The following SAMD4A variants were observed in gnomAD, a reference collection of about 807,000 sequenced individuals.
The protein encoded by SAMD4A is sterile alpha motif domain containing 4A, also known as protein Smaug homolog 1.
In SAMD4A, 33 loss-of-function variants were observed where a neutral mutation model predicts 81.3. That is an observed-to-expected ratio of 0.41 (90% CI 0.31 to 0.54). The LOEUF is 0.54. Ranked by LOEUF, SAMD4A falls within the 20% of genes least tolerant of loss-of-function variation. The pLI is 0.37. For missense variants in SAMD4A, 854 were observed against 951.1 expected, an observed-to-expected ratio of 0.90 and a Z score of 1.34; for synonymous variants, 389 against 382.1, an observed-to-expected ratio of 1.02 and a Z score of -0.21.
chr14:54,595,044 T>C (rs893125754), intron 2 of SAMD4A, among the ~76,000 whole-genome samples: 3 of 152,236 alleles, frequency 2.0e-5, no homozygotes, highest in Non-Finnish European at 4.4e-5. Context: ...CTCTGTGCCA[T>C]GAATATTAAG....
chr14:54,668,484 G>T (rs973366640), intron 2 of SAMD4A, among the ~76,000 whole-genome samples: 1 of 152,306 alleles, frequency 6.6e-6, no homozygotes. Flanking sequence ...CCACAGAGGG[G>T]TTAATGACAG....
At chr14:54,657,689 C>T (rs567584979) in intron 2 of SAMD4A, among the ~76,000 whole-genome samples, 1 of 152,292 alleles carries the variant, frequency 6.6e-6, no homozygotes, top group East Asian at 1.9e-4. Flanking sequence ...CCAGCAGTCT[C>T]CTTTCTAGGG....
chr14:54,646,140 G>A (rs765478922), intron 2 of SAMD4A, among the ~76,000 whole-genome samples: 9 of 152,190 alleles, frequency 5.9e-5, no homozygotes, highest in African/African-American at 2.2e-4. Flanking sequence ...ACATGGCCCA[G>A]GTTTGTCACA....
intron 5 of SAMD4A, among the ~76,000 whole-genome samples, chr14:54,750,087 G>A (rs2038064653): frequency 6.6e-6 from 1 of 152,122 alleles, no homozygotes; most frequent in African/African-American, 2.4e-5. Flanking sequence ...AGGGGTTGAT[G>A]AGAGCTTTTC....
At chr14:54,761,759 T>G (rs1768487788) in intron 7 of SAMD4A, among the ~76,000 whole-genome samples, 1 of 152,232 alleles carries the variant, frequency 6.6e-6, no homozygotes, top group Non-Finnish European at 1.5e-5. Flanking sequence ...TCATGCCTCC[T>G]TCTCCAGGTC....
intron 2 of SAMD4A, among the ~76,000 whole-genome samples, chr14:54,669,532 C>T (rs191612764): frequency 2.1e-3 from 307 of 145,400 alleles, no homozygotes; most frequent in African/African-American, 7.3e-3. Context: ...GATCATCGCT[C>T]ACTGCAGCCC....
chr14:54,591,316 G>A (rs2033768859), intron 2 of SAMD4A, among the ~76,000 whole-genome samples: 1 of 152,034 alleles, frequency 6.6e-6, no homozygotes, highest in Admixed American at 6.6e-5. Flanking sequence ...AGTATTAGGG[G>A]GTGGTTTGCC....
chr14:54,622,346 G>A (rs1341927171), intron 2 of SAMD4A, among the ~76,000 whole-genome samples: 2 of 152,212 alleles, frequency 1.3e-5, no homozygotes, highest in Non-Finnish European at 2.9e-5. Flanking sequence ...TGGAGGGACT[G>A]TTCAGGGCCT....
At chr14:54,613,027 G>A (rs924162667) in intron 2 of SAMD4A, among the ~76,000 whole-genome samples, 3 of 152,168 alleles carry the variant, frequency 2.0e-5, no homozygotes, top group African/African-American at 7.2e-5. Flanking sequence ...TGAGGCAGGA[G>A]AATGGCTTGA....
At chr14:54,616,323 T>C (rs972737526) in intron 2 of SAMD4A, among the ~76,000 whole-genome samples, 2 of 152,248 alleles carry the variant, frequency 1.3e-5, no homozygotes, top group African/African-American at 4.8e-5. Flanking sequence ...TTTTTTTTCT[T>C]TTTGATTCTT....
intron 2 of SAMD4A, among the ~76,000 whole-genome samples, chr14:54,619,430 A>G (rs1197464375): frequency 1.3e-5 from 2 of 152,072 alleles, no homozygotes; most frequent in East Asian, 1.9e-4. Context: ...TTTTTTCCCT[A>G]TGTAACATAT....
At position 54,770,137 on chromosome 14, in the gene SAMD4A, T is replaced by A; in HGVS notation, c.1630T>A (p.Ser544Thr). Reference protein sequence around the residue: ...FTETQKKRLLSWKQQVQKLFR... With the variant: ...FTETQKKRLLTWKQQVQKLFR... ...AGAGACACAGAAAAAAAGATTGTTG[T>A]CATGGAAACAGCAGGTGCAGAAGCT... Residue 544 changes from serine (S) to threonine (T), a missense_variant, in exon 9 of 13, where the codon TCA becomes ACA. By Grantham distance (58) the Ser-to-Thr change is moderately conservative (BLOSUM62 1). Transcript: ENST00000554335. 3 of 1,614,156 alleles carry A rather than the reference T, an allele frequency of 1.9e-6. No homozygotes were observed. The highest frequency in any genetic ancestry group is 2.5e-6 in the Non-Finnish European group (3 of 1,179,980).
intron 2 of SAMD4A, among the ~76,000 whole-genome samples, chr14:54,614,538 C>T (rs1241585344): frequency 6.6e-6 from 1 of 152,122 alleles, no homozygotes; most frequent in Non-Finnish European, 1.5e-5. Flanking sequence ...CTTTTAAGAG[C>T]ACTTATCTGG....
intron 7 of SAMD4A, among the ~76,000 whole-genome samples, chr14:54,762,582 T>C (rs1049142029): frequency 1.3e-5 from 2 of 152,034 alleles, no homozygotes; most frequent in Non-Finnish European, 2.9e-5. Context: ...CAAGCCCAAG[T>C]GGAGCAGCTA....
At chr14:54,574,962 G>C (rs566704552) in intron 2 of SAMD4A, among the ~76,000 whole-genome samples, 30 of 152,302 alleles carry the variant, frequency 2.0e-4, no homozygotes, top group Admixed American at 7.2e-4. Context: ...ACCATACTTT[G>C]AGGGTAGACT....
At chr14:54,782,967 C>T (rs1028676108) in intron 11 of SAMD4A, among the ~76,000 whole-genome samples, 1 of 152,146 alleles carries the variant, frequency 6.6e-6, no homozygotes, top group South Asian at 2.1e-4. Flanking sequence ...GCTTTGCCCA[C>T]TTGACAGGTA....
At chr14:54,568,154 C>G in intron 2 of SAMD4A, 42 bp downstream of exon 2, 4 of 1,391,920 alleles carry the variant, frequency 2.9e-6, no homozygotes, top group Non-Finnish European at 3.7e-6. Flanking sequence ...GCCTGCCCAA[C>G]CCCCGCTCCT....
intron 4 of SAMD4A, among the ~76,000 whole-genome samples, chr14:54,747,476 T>C (rs1046013017): frequency 1.3e-5 from 2 of 152,252 alleles, no homozygotes; most frequent in Non-Finnish European, 2.9e-5. Flanking sequence ...AACATTTATC[T>C]ACTCTAAACA....
intron 2 of SAMD4A, among the ~76,000 whole-genome samples, chr14:54,680,099 C>G (rs2036094915): frequency 6.6e-6 from 1 of 152,194 alleles, no homozygotes; most frequent in African/African-American, 2.4e-5. Flanking sequence ...CCATTTATTC[C>G]CTTGTTGTGT....
Sources: gnomAD v4.1 joint callset for allele counts (sites outside exome capture counted in the v4.1 genomes callset) on GRCh38, gnomAD v4.1.1 for gene constraint, MANE v1.5 for transcripts, NCBI Gene and HGNC (gene_info 2026-07-23, HGNC 2026-07-21) for gene names.